Variants in JARID2 observed in about 807,000 individuals in gnomAD.
The protein encoded by JARID2 is jumonji and AT-rich interaction domain containing 2, also known as protein Jumonji.
In JARID2, 21 loss-of-function variants were observed where a neutral mutation model predicts 125.6. That is an observed-to-expected ratio of 0.17 (90% CI 0.12 to 0.24). The LOEUF (loss-of-function observed/expected upper bound fraction) is 0.24, where lower values mean the gene tolerates loss of function less well. Ranked by LOEUF, JARID2 falls within the 10% of genes least tolerant of loss-of-function variation. The pLI is 1.00. For synonymous variants in JARID2, 736 were observed against 661.6 expected (o/e 1.11, Z -1.73); for missense variants, 1,303 against 1,639.6 (o/e 0.79, Z 3.55).
intron 1 of JARID2, among the ~76,000 whole-genome samples, chr6:15,366,518 C>CGGGGGGGGGCGG (rs1367437795): frequency 2.1e-4 from 3 of 14,408 alleles, no homozygotes; most frequent in African/African-American, 4.4e-4. Flanking sequence ...GCGGGGGGGG[C>CGGGGGGGGGCGG]GGGGGGGGTG....
intron 1 of JARID2, among the ~76,000 whole-genome samples, chr6:15,272,280 A>G (rs1760327815): frequency 6.6e-6 from 1 of 152,258 alleles, no homozygotes; most frequent in South Asian, 2.1e-4. Flanking sequence ...GAAGGAAGAC[A>G]GCTAGCTATA....
chr6:15,490,943 A>G (rs1050169015), intron 6 of JARID2, among the ~76,000 whole-genome samples: 1 of 152,176 alleles, frequency 6.6e-6, no homozygotes, highest in Non-Finnish European at 1.5e-5. Context: ...GTGAGAAGAA[A>G]ATGATCAACT....
chr6:15,412,883 T>TA (rs1306247470), intron 3 of JARID2, among the ~76,000 whole-genome samples: 1 of 152,170 alleles, frequency 6.6e-6, no homozygotes, highest in African/African-American at 2.4e-5. Flanking sequence ...AAGTTGAGCC[T>TA]AAAGTAACTA....
Position 15,520,697 on chromosome 6 carries a change from A to ACG in JARID2, c.*447_*448insGC. 1 of 453,040 alleles carries ACG rather than the reference A, an allele frequency of 2.2e-6. No homozygotes were observed. Among genetic ancestry groups the ACG allele is most frequent in the Non-Finnish European group, 4.5e-6 (1 of 224,666 alleles). 28.1% of individuals were successfully genotyped at this position (453,040 alleles called of 1,614,324 possible). A position where few individuals can be genotyped will look rare whatever the true frequency, so the allele number is the denominator to read the frequency against. On this transcript the variant is annotated 3_prime_UTR_variant, in exon 18 of 18. Coordinates refer to ENST00000341776, the MANE Select transcript of JARID2 (RefSeq NM_004973.4). ...GGATAGGAGACACACGCGCACACAC[A>ACG]CACACACACGAAACTTGAAATGGCT... is the stretch of plus-strand genomic sequence containing the variant.
chr6:15,326,983 A>C (rs1762552900), intron 1 of JARID2, among the ~76,000 whole-genome samples: 1 of 152,030 alleles, frequency 6.6e-6, no homozygotes, highest in African/African-American at 2.4e-5. Flanking sequence ...CTGTCCCTTT[A>C]ATTTGTTGTT....
rs57890964 is a variant in JARID2, at chr6:15,515,751, T to TAA, written c.3451-1399_3451-1398dup. ...GTGACAGAGTGACAACCTGTCTCTTTAAAAAAAAAAAACAAAAACAAAAAC... is the reference window on the plus strand; with the variant it reads ...GTGACAGAGTGACAACCTGTCTCTTTAAAAAAAAAAAAAACAAAAACAAAAAC... On this transcript the variant is annotated intron_variant, in intron 16 of 17. Coordinates refer to ENST00000341776, the MANE Select transcript of JARID2 (RefSeq NM_004973.4). Among the ~76,000 whole-genome samples the TAA allele has an allele frequency of 5.0e-3, 737 of 145,954 alleles. 9 individuals carry two copies. The highest frequency in any genetic ancestry group is 0.012 in the African/African-American group (457 of 39,406).
intron 5 of JARID2, among the ~76,000 whole-genome samples, chr6:15,486,316 T>A (rs1031241787): frequency 7.9e-5 from 12 of 152,274 alleles, no homozygotes; most frequent in Non-Finnish European, 1.8e-4. Flanking sequence ...CGTTGGTGTT[T>A]CTGGTTTTCT....
chr6:15,295,332 A>G (rs1159391325), intron 1 of JARID2, among the ~76,000 whole-genome samples: 1 of 152,086 alleles, frequency 6.6e-6, no homozygotes, highest in Non-Finnish European at 1.5e-5. Context: ...CGTGTTAGCC[A>G]GGATGGTCTT....
intron 3 of JARID2, among the ~76,000 whole-genome samples, chr6:15,424,942 T>C (rs931236890): frequency 6.6e-6 from 1 of 152,236 alleles, no homozygotes; most frequent in Admixed American, 6.5e-5. Flanking sequence ...TTCCACTGTT[T>C]TACATTCCTT....
chr6:15,349,330 T>C (rs2127479158), intron 1 of JARID2, among the ~76,000 whole-genome samples: 1 of 152,336 alleles, frequency 6.6e-6, no homozygotes, highest in Admixed American at 6.5e-5. Flanking sequence ...AAGTTTTTAG[T>C]GTCTCCATCC....
intron 1 of JARID2, among the ~76,000 whole-genome samples, chr6:15,264,612 A>T (rs897290522): frequency 2.1e-5 from 3 of 146,136 alleles, no homozygotes; most frequent in Non-Finnish European, 4.5e-5. Flanking sequence ...GGTAGGTGTG[A>T]GTGTGTGTGT....
At chr6:15,510,776 C>G (rs899102533) in intron 12 of JARID2, among the ~76,000 whole-genome samples, 18 of 152,184 alleles carry the variant, frequency 1.2e-4, no homozygotes, top group African/African-American at 4.3e-4. Context: ...TGTGCATGAG[C>G]CTGGCTCCTT....
chr6:15,391,976 C>G (rs1581494970), intron 2 of JARID2, among the ~76,000 whole-genome samples: 2 of 152,000 alleles, frequency 1.3e-5, no homozygotes, highest in South Asian at 4.2e-4. Context: ...AGGAAATGTG[C>G]CCTTCATGGC....
chr6:15,452,329 G>C (rs1767954965), intron 4 of JARID2, 154 bp downstream of exon 4: 7 of 718,578 alleles, frequency 9.7e-6, no homozygotes, highest in Non-Finnish European at 8.5e-6. Context: ...ATCCCACCGA[G>C]AGAGTGTGTG....
chr6:15,353,259 G>T (rs574830645), intron 1 of JARID2, among the ~76,000 whole-genome samples: 1 of 152,138 alleles, frequency 6.6e-6, no homozygotes, highest in African/African-American at 2.4e-5. Flanking sequence ...AAGTGGTATC[G>T]CATTGCTGTT....
chr6:15,418,536 A>C (rs549068683), intron 3 of JARID2, among the ~76,000 whole-genome samples: 2 of 152,164 alleles, frequency 1.3e-5, no homozygotes, highest in Non-Finnish European at 2.9e-5. Flanking sequence ...TTAGAAGGGT[A>C]TATTGCTTTT....
chr6:15,315,284 A>G (rs1374017856), intron 1 of JARID2, among the ~76,000 whole-genome samples: 2 of 152,244 alleles, frequency 1.3e-5, no homozygotes, highest in Admixed American at 6.5e-5. Context: ...TTCAGATGCC[A>G]GGTAGTAGAC....
intron 7 of JARID2, among the ~76,000 whole-genome samples, chr6:15,499,770 A>G (rs1202077824): frequency 6.6e-6 from 1 of 152,050 alleles, no homozygotes; most frequent in Non-Finnish European, 1.5e-5. Flanking sequence ...GTTCTCCACA[A>G]CCACATCAGT....
chr6:15,342,567 C>T (rs1291005889), intron 1 of JARID2, among the ~76,000 whole-genome samples: 1 of 152,152 alleles, frequency 6.6e-6, no homozygotes, highest in Non-Finnish European at 1.5e-5. Flanking sequence ...AAGTAGTGAG[C>T]TTAGTGCACC....
Sources: gnomAD v4.1 joint callset for allele counts (sites outside exome capture counted in the v4.1 genomes callset) on GRCh38, gnomAD v4.1.1 for gene constraint, MANE v1.5 for transcripts, NCBI Gene and HGNC (gene_info 2026-07-23, HGNC 2026-07-21) for gene names.